USP34: variants seen among roughly 807,000 people sequenced by gnomAD.
USP34 encodes the protein ubiquitin specific peptidase 34.
A neutral mutation model predicts 460.3 loss-of-function variants in USP34; 70 were observed. The ratio of observed to expected loss-of-function variants is 0.15; its 90% CI spans 0.13 to 0.19. The LOEUF is 0.19. Among genes scored for constraint, USP34 ranks in the 10% least tolerant of loss-of-function variants. USP34 has a pLI of 1.00. For missense variants in USP34, 3,985 were observed against 4,236.2 expected, an observed-to-expected ratio of 0.94 and a Z score of 1.65; for synonymous variants, 1,647 against 1,405.3, an observed-to-expected ratio of 1.17 and a Z score of -3.85.
chr2:61,332,147 G>T (rs557333996), intron 19 of USP34, among the ~76,000 whole-genome samples: 1 of 152,182 alleles, frequency 6.6e-6, no homozygotes, highest in Admixed American at 6.5e-5. Flanking sequence ...CTTCAGGCAA[G>T]TAAGCTGTCT....
Position 61,355,029 on chromosome 2 carries a change from G to A in USP34, c.1252-4336C>T, listed in dbSNP as rs888789119. On this transcript the variant is annotated intron_variant, in intron 10 of 79. Transcript: ENST00000398571. Reference sequence around the variant, plus strand: ...GCACTTGTCTCTATCCTGCAAGACAGGCACTCCCCGAGGAAAGGGACAGCA... The same window carrying A: ...GCACTTGTCTCTATCCTGCAAGACAAGCACTCCCCGAGGAAAGGGACAGCA... Among the ~76,000 whole-genome samples, 6 of 152,292 alleles carry A rather than the reference G, an allele frequency of 3.9e-5. No individual in the cohort carries two copies. In the East Asian group the frequency reaches 7.7e-4, roughly 20 times the overall value.
At chr2:61,334,080 ATAT>A (rs1430687544) in intron 18 of USP34, 109 bp from the exon 19 acceptor site, 1 of 663,114 alleles carries the variant, frequency 1.5e-6, no homozygotes, top group South Asian at 3.5e-5. Context: ...GCATAGAGAC[ATAT>A]TATTACACAA....
At position 61,341,561 on chromosome 2, in the gene USP34, G is replaced by A. The variant is rs149537118; in HGVS notation, c.2501-1880C>T. On this transcript the variant is annotated intron_variant, in intron 16 of 79. Coordinates refer to ENST00000398571, the MANE Select transcript of USP34 (RefSeq NM_014709.4). ...ATAAGATCTGGTTGTTTAGAAGAGA[G>A]TGACACCCCTCCAACCCCCCGTTTC... Among the ~76,000 whole-genome samples, 7 of 151,970 alleles carry A rather than the reference G, an allele frequency of 4.6e-5. 1 individual carries two copies. In the South Asian group the frequency reaches 1.2e-3, roughly 27 times the overall value.
chr2:61,397,683 G>C (rs1426961184), intron 3 of USP34, among the ~76,000 whole-genome samples: 1 of 151,836 alleles, frequency 6.6e-6, no homozygotes, highest in Non-Finnish European at 1.5e-5. Flanking sequence ...GGCGGATCAT[G>C]ATGTCAGGAG....
rs1489403940 is a variant in USP34, at chr2:61,266,141, G to A, written c.5460C>T (p.Leu1820=). Residue 1820 remains leucine, a synonymous_variant, in exon 42 of 80, where the codon CTC becomes CTT. Coordinates refer to ENST00000398571, the MANE Select transcript of USP34 (RefSeq NM_014709.4). ...GQEFLRDIFN[L]LFLLPSLKDR... The stretch of plus-strand genomic sequence containing the variant: ...CCTTTAGACTTGGCAACAAAAACAG[G>A]AGATTGAAGATATCTCTCAAAAATT... The A allele has an allele frequency of 1.2e-6, 2 of 1,611,754 alleles. No individual in the cohort carries two copies. The highest frequency in any genetic ancestry group is 1.7e-6 in the Non-Finnish European group (2 of 1,178,228).
At chr2:61,268,650 T>A (rs1420901160) in intron 41 of USP34, among the ~76,000 whole-genome samples, 1 of 151,916 alleles carries the variant, frequency 6.6e-6, no homozygotes, top group African/African-American at 2.4e-5. Flanking sequence ...TAGGGTAATT[T>A]TTGACTTATA....
intron 10 of USP34, among the ~76,000 whole-genome samples, chr2:61,351,753 C>T (rs1001773102): frequency 1.3e-5 from 2 of 152,080 alleles, no homozygotes; most frequent in African/African-American, 4.8e-5. Flanking sequence ...CATAATACTG[C>T]AGGAATTCTT....
At chr2:61,403,992 C>CAAAAAAAAAAAA (rs71405114) in intron 3 of USP34, among the ~76,000 whole-genome samples, 1 of 29,110 alleles carries the variant, frequency 3.4e-5, no homozygotes, top group Non-Finnish European at 7.4e-5. Context: ...GACTCTATCT[C>CAAAAAAAAAAAA]AAAAAAAAAA....
intron 8 of USP34, among the ~76,000 whole-genome samples, chr2:61,373,670 A>G (rs1182827989): frequency 6.6e-6 from 1 of 152,240 alleles, no homozygotes; most frequent in African/African-American, 2.4e-5. Flanking sequence ...GAAACACACA[A>G]TTCAACAATA....
intron 76 of USP34, among the ~76,000 whole-genome samples, chr2:61,192,599 C>CT (rs1686674441): frequency 6.6e-6 from 1 of 152,218 alleles, no homozygotes; most frequent in East Asian, 1.9e-4. Flanking sequence ...TTTTCCCCCA[C>CT]TATCTCCCTG....
Position 61,259,636 on chromosome 2 carries a change from T to C in USP34, c.5844+75A>G, listed in dbSNP as rs1277576365. The stretch of plus-strand genomic sequence containing the variant: ...CTTGAACTCAAGCCATCCACCCACC[T>C]TGGCCTCCCAAAATGCTATAATTAC... On this transcript the variant is annotated intron_variant, in intron 44 of 79. Transcript: ENST00000398571. The C allele has an allele frequency of 9.9e-6, 14 of 1,409,402 alleles. No individual in the cohort carries two copies. The South Asian group carries it at 1.4e-4, about 14-fold the overall frequency. 87.3% of individuals were successfully genotyped at this position (1,409,402 alleles called of 1,614,324 possible). A position where few individuals can be genotyped will look rare whatever the true frequency, so the allele number is the denominator to read the frequency against.
chr2:61,442,080 C>A (rs1333713139), intron 1 of USP34, among the ~76,000 whole-genome samples: 1 of 152,022 alleles, frequency 6.6e-6, no homozygotes, highest in Non-Finnish European at 1.5e-5. Context: ...ATAGGCACAA[C>A]AATGAAACTA....
rs773299509 is a variant in USP34 at position 61,241,778 on chromosome 2, G to A, written c.6669C>T (p.Phe2223=). 10 of 1,536,034 alleles carry A rather than the reference G, an allele frequency of 6.5e-6. No homozygotes were observed. The highest frequency in any genetic ancestry group is 1.7e-4 in the Middle Eastern group (1 of 5,816). The part of the protein sequence containing the change: ...YDSVTDKFMD[F]SFEKTHSAYM... ...AAAAAATGGTTACCTTTTCAAAAGA[G>A]AAGTCCATAAATTTATCTGTAACAG... The change falls in exon 52 of 80, where the codon TTC becomes TTT. Residue 2223 remains phenylalanine (F), a synonymous_variant. Coordinates refer to ENST00000398571, the MANE Select transcript of USP34 (RefSeq NM_014709.4).
At chr2:61,372,448 G>A (rs1558555884) in intron 8 of USP34, among the ~76,000 whole-genome samples, 1 of 152,130 alleles carries the variant, frequency 6.6e-6, no homozygotes, top group Non-Finnish European at 1.5e-5. Flanking sequence ...AGAAGACCCA[G>A]GCTGGTGCTG....
intron 57 of USP34, among the ~76,000 whole-genome samples, chr2:61,232,826 CT>C (rs774717200): frequency 5.2e-4 from 71 of 136,710 alleles, no homozygotes; most frequent in Non-Finnish European, 9.4e-4. Context: ...GACATAGAAT[CT>C]TTAGTTCTTA....
intron 51 of USP34, among the ~76,000 whole-genome samples, chr2:61,244,259 C>G (rs1418706501): frequency 1.1e-4 from 16 of 152,144 alleles, no homozygotes; most frequent in Admixed American, 9.8e-4. Flanking sequence ...AAAATTGATA[C>G]TAGGATAAAC....
intron 2 of USP34, among the ~76,000 whole-genome samples, chr2:61,406,699 A>G (rs1693883136): frequency 9.2e-6 from 1 of 108,298 alleles, no homozygotes; most frequent in African/African-American, 3.4e-5. Context: ...ATATATGTGT[A>G]TTTAAAAAAA....
Position 61,370,380 on chromosome 2 carries a change from A to G in USP34, c.1192T>C (p.Leu398=). ...IKQCQVILNF[L]AAEGRLSTQH... ...GTACTCAGTCGCCCTTCTGCTGCCA[A>G]AAAATTCAAAATCACTTGGCACTGT... is the stretch of plus-strand genomic sequence containing the variant. The change falls in exon 10 of 80, where the codon TTG becomes CTG. Residue 398 remains leucine (L), a synonymous_variant. Transcript: ENST00000398571. 1 of 1,614,140 alleles carries G rather than the reference A, an allele frequency of 6.2e-7. No individual in the cohort carries two copies. The highest frequency in any genetic ancestry group is 8.5e-7 in the Non-Finnish European group (1 of 1,179,980).
At chr2:61,200,016 T>C (rs993418535) in intron 75 of USP34, 7 of 152,506 alleles carry the variant, frequency 4.6e-5, no homozygotes, top group African/African-American at 9.6e-5. Context: ...CCTCTTACCA[T>C]TGCTCTTTTT....
Sources: allele counts gnomAD v4.1 joint callset (sites outside exome capture counted in the v4.1 genomes callset), GRCh38; gene constraint gnomAD v4.1.1; transcripts MANE v1.5; gene names NCBI Gene and HGNC (gene_info 2026-07-23, HGNC 2026-07-21).